The following MAP3K13 variants were observed in gnomAD, a reference collection of about 807,000 sequenced individuals.
The protein encoded by MAP3K13 is leucine zipper-bearing kinase.
A neutral mutation model predicts 104.0 loss-of-function variants in MAP3K13; 52 were observed. The ratio of observed to expected loss-of-function variants is 0.50; its 90% CI spans 0.40 to 0.63. The LOEUF is 0.63. MAP3K13 is among the 20% of genes least tolerant of loss of function. MAP3K13 has a pLI of 0.00. For synonymous variants in MAP3K13, 394 were observed against 442.2 expected (o/e 0.89, Z 1.37); for missense variants, 914 against 1,218.5 (o/e 0.75, Z 3.72).
intron 1 of MAP3K13, among the ~76,000 whole-genome samples, chr3:185,373,599 G>A (rs12486364): frequency 0.72 from 109,611 of 151,760 alleles, 42,051 homozygotes; most frequent in Non-Finnish European, 0.86. Flanking sequence ...CGGAGATCAT[G>A]CCACTGCACT....
intron 1 of MAP3K13, among the ~76,000 whole-genome samples, chr3:185,407,869 ATTTTTTTTT>A (rs35693572): frequency 7.2e-5 from 5 of 69,118 alleles, no homozygotes; most frequent in African/African-American, 2.3e-4. Context: ...AATTTTGAGA[ATTTTTTTTT>A]TTTTTTTTTT....
At chr3:185,455,959 T>C (rs1439834972) in intron 7 of MAP3K13, among the ~76,000 whole-genome samples, 4 of 145,112 alleles carry the variant, frequency 2.8e-5, no homozygotes, top group African/African-American at 1.0e-4. Flanking sequence ...GATGTATATA[T>C]ATGATATGTA....
intron 1 of MAP3K13, among the ~76,000 whole-genome samples, chr3:185,370,895 T>G (rs1352569836): frequency 6.6e-6 from 1 of 152,178 alleles, no homozygotes; most frequent in African/African-American, 2.4e-5. Flanking sequence ...CCTAACAAAA[T>G]TCATCCTATT....
chr3:185,379,281 C>G (rs1724589669), intron 1 of MAP3K13, among the ~76,000 whole-genome samples: 1 of 152,346 alleles, frequency 6.6e-6, no homozygotes, highest in South Asian at 2.1e-4. Context: ...GAGTCCGTGA[C>G]AGACGCCGGA....
At chr3:185,457,824 T>TAC (rs1716854864) in intron 7 of MAP3K13, among the ~76,000 whole-genome samples, 1 of 152,208 alleles carries the variant, frequency 6.6e-6, no homozygotes, top group Admixed American at 6.5e-5. Flanking sequence ...AAAGTGAGAC[T>TAC]ACCTCTAGCT....
rs936886467 is a variant in MAP3K13, at chr3:185,330,756, T to C, written c.-86+45113T>C. Among the ~76,000 whole-genome samples the C allele has an allele frequency of 3.3e-5, 5 of 152,178 alleles. No individual in the cohort carries two copies. In the East Asian group the frequency reaches 9.6e-4, roughly 29 times the overall value. The stretch of plus-strand genomic sequence containing the variant: ...AACAATGTTTTTAACCTCCAGTAGG[T>C]GCCCATACCATCCAGACCACTGCTC... On this transcript the variant is annotated intron_variant, in intron 2 of 14. Coordinates refer to the MAP3K13 transcript ENST00000424227.
chr3:185,426,325 C>T (rs190304136), intron 1 of MAP3K13, among the ~76,000 whole-genome samples: 203 of 152,262 alleles, frequency 1.3e-3, no homozygotes, highest in African/African-American at 4.7e-3. Flanking sequence ...CATGATCTGC[C>T]CACCTTGGCC....
At chr3:185,307,290 T>C (rs1721318865) in intron 2 of MAP3K13, among the ~76,000 whole-genome samples, 1 of 152,070 alleles carries the variant, frequency 6.6e-6, no homozygotes, top group Admixed American at 6.5e-5. Flanking sequence ...TCTCTCTCTC[T>C]CTCCTTCTTT....
In MAP3K13 at chr3:185,471,451, CTTTTTTTTTTTTT is replaced by C. The variant is rs71164510; in HGVS notation, c.1644-1511_1644-1499del. Among the ~76,000 whole-genome samples the C allele has an allele frequency of 6.6e-5, 5 of 75,436 alleles. No individual in the cohort carries two copies. In the East Asian group the frequency reaches 1.6e-3, roughly 25 times the overall value. The allele number at this position is 75,436 out of a possible 152,430, so 49.5% of individuals were successfully genotyped here. A position where few individuals can be genotyped will look rare whatever the true frequency, so the allele number is the denominator to read the frequency against. On this transcript the variant is annotated intron_variant, in intron 10 of 13. Coordinates refer to ENST00000265026, the MANE Select transcript of MAP3K13 (RefSeq NM_004721.5). The stretch of plus-strand genomic sequence containing the variant: ...TGAGCCTGTACCTGGACGACCTTTA[CTTTTTTTTTTTTT>C]TTTTTTTTTTTTGAGATGGAGTCTC...
At chr3:185,329,421 T>G (rs1215833091) in intron 2 of MAP3K13, among the ~76,000 whole-genome samples, 1 of 152,150 alleles carries the variant, frequency 6.6e-6, no homozygotes, top group Non-Finnish European at 1.5e-5. Flanking sequence ...TTCAAAGAAA[T>G]TAAAAGAATG....
chr3:185,455,681 GAT>G lies in MAP3K13; in HGVS notation c.1278+4295_1278+4296del, dbSNP rs1268459277. On this transcript the variant is annotated intron_variant, in intron 7 of 13. Coordinates refer to ENST00000265026, the MANE Select transcript of MAP3K13 (RefSeq NM_004721.5). ...TGATATATATATGATATATATATGA[GAT>G]ATATATATGATATATATATGAGATA... 1.7e-3 allele frequency among the ~76,000 whole-genome samples: 14 copies of G among 8,178 alleles called. 2 individuals are homozygous for G. Among genetic ancestry groups the G allele is most frequent in the African/African-American group, 3.1e-3 (12 of 3,872 alleles). 5.4% of individuals were successfully genotyped at this position (8,178 alleles called of 152,430 possible).
intron 7 of MAP3K13, among the ~76,000 whole-genome samples, chr3:185,462,963 C>A (rs537427201): frequency 6.6e-6 from 1 of 152,270 alleles, no homozygotes; most frequent in East Asian, 1.9e-4. Context: ...TGGCCATACT[C>A]TCTCTTTCCT....
intron 1 of MAP3K13, among the ~76,000 whole-genome samples, chr3:185,421,070 G>A (rs769989349): frequency 6.6e-6 from 1 of 152,166 alleles, no homozygotes; most frequent in African/African-American, 2.4e-5. Flanking sequence ...CACCCTTTGC[G>A]GATCGGGACC....
intron 2 of MAP3K13, among the ~76,000 whole-genome samples, chr3:185,343,447 G>A (rs1356864786): frequency 6.6e-6 from 1 of 151,878 alleles, no homozygotes; most frequent in Non-Finnish European, 1.5e-5. Context: ...CTCTCAGCAG[G>A]GTATGTTTAT....
chr3:185,362,244 G>A (rs553348343), upstream of MAP3K13, among the ~76,000 whole-genome samples: 3 of 152,328 alleles, frequency 2.0e-5, no homozygotes, highest in East Asian at 1.9e-4. Context: ...TAGTGATGGG[G>A]AGTAGGGACA....
intron 2 of MAP3K13, chr3:185,328,927 G>GTAGT: frequency 3.1e-6 from 1 of 319,342 alleles, no homozygotes; most frequent in Admixed American, 4.1e-5. Flanking sequence ...GCGGCTGCTG[G>GTAGT]TAGTTCCATG....
Position 185,418,094 on chromosome 3 carries a change from G to T in MAP3K13, c.-85-10403G>T, listed in dbSNP as rs1713895483. The T allele has an allele frequency of 1.2e-6, 2 of 1,611,598 alleles. No homozygotes were observed. The highest frequency in any genetic ancestry group is 2.7e-5 in the African/African-American group (2 of 74,974). On this transcript the variant is annotated intron_variant, in intron 1 of 13. Transcript: ENST00000265026. This position sits in a 1 kb window ranked among gnomAD's most constrained non-coding sequence, Gnocchi z 4.5. The stretch of plus-strand genomic sequence containing the variant: ...ATGTTCAGCTTGCTTACATTAAGCA[G>T]AGTAATTCCAGGGATGTTTCTGAAG...
chr3:185,342,508 T>C (rs1371576930), intron 2 of MAP3K13, among the ~76,000 whole-genome samples: 1 of 152,206 alleles, frequency 6.6e-6, no homozygotes, highest in African/African-American at 2.4e-5. Context: ...AATATTTTCA[T>C]AATTCTCTAT....
chr3:185,404,446 G>C (rs1021156642), intron 1 of MAP3K13, among the ~76,000 whole-genome samples: 3 of 152,168 alleles, frequency 2.0e-5, no homozygotes, highest in African/African-American at 7.2e-5. Context: ...ACACTTGAGC[G>C]TGAGAGCTGG....
Sources: gnomAD v4.1 joint callset for allele counts (sites outside exome capture counted in the v4.1 genomes callset) on GRCh38, gnomAD v4.1.1 for gene constraint, Gnocchi (gnomAD v3.1) non-coding constraint, MANE v1.5 for transcripts, NCBI Gene and HGNC (gene_info 2026-07-23, HGNC 2026-07-21) for gene names.